CDC14A: variants seen among roughly 807,000 people sequenced by gnomAD.
CDC14A encodes dual specificity protein phosphatase CDC14A.
CDC14A carries 53 observed loss-of-function variants against 74.4 expected under a neutral mutation model. That is an observed-to-expected ratio of 0.71 (90% CI 0.57 to 0.89). The LOEUF is 0.89. CDC14A is among the 40% of genes least tolerant of loss of function. CDC14A has a pLI of 0.00. For missense variants in CDC14A, 646 were observed against 713.7 expected (o/e 0.91, Z 1.08); for synonymous variants, 247 against 258.4 (o/e 0.96, Z 0.43).
chr1:100,384,641 G>A (rs906814614), intron 3 of CDC14A, among the ~76,000 whole-genome samples: 12 of 152,296 alleles, frequency 7.9e-5, no homozygotes, highest in South Asian at 4.1e-4. Context: ...TTCTTCAGCC[G>A]CAGTATCCTG....
intron 3 of CDC14A, among the ~76,000 whole-genome samples, chr1:100,380,178 A>C (rs1655899116): frequency 6.6e-6 from 1 of 152,254 alleles, no homozygotes; most frequent in Non-Finnish European, 1.5e-5. Flanking sequence ...TCAGCCTTAA[A>C]GCTATTGTTT....
intron 10 of CDC14A, among the ~76,000 whole-genome samples, chr1:100,482,836 AT>A (rs1557810253): frequency 6.6e-6 from 1 of 151,678 alleles, no homozygotes; most frequent in Non-Finnish European, 1.5e-5. Context: ...CTATATATAT[AT>A]TTTTTTATAC....
At chr1:100,351,449 C>T (rs79368678), upstream of CDC14A, among the ~76,000 whole-genome samples, 52 of 152,338 alleles carry the variant, frequency 3.4e-4, no homozygotes, top group East Asian at 4.6e-3. Flanking sequence ...TAGGTACAGC[C>T]TTAGGACGCC....
At chr1:100,388,309 G>T (rs2100980711) in intron 3 of CDC14A, among the ~76,000 whole-genome samples, 1 of 152,230 alleles carries the variant, frequency 6.6e-6, no homozygotes, top group South Asian at 2.1e-4. Flanking sequence ...CAAATAAGTG[G>T]CAAAACCAAC....
intron 4 of CDC14A, among the ~76,000 whole-genome samples, chr1:100,418,114 A>T (rs546417429): frequency 2.0e-5 from 3 of 152,290 alleles, no homozygotes; most frequent in Admixed American, 2.0e-4. Context: ...ATGGAACCTA[A>T]CTCGGGGTGA....
At chr1:100,496,195 C>T (rs557049549) in intron 13 of CDC14A, 146 bp downstream of exon 13, 44 of 650,408 alleles carry the variant, frequency 6.8e-5, no homozygotes, top group Admixed American at 6.2e-4. Flanking sequence ...TTGTTTATGC[C>T]TTATTTTTAA....
chr1:100,389,274 A>G (rs952329906), intron 3 of CDC14A, among the ~76,000 whole-genome samples: 3 of 151,604 alleles, frequency 2.0e-5, no homozygotes, highest in Admixed American at 6.6e-5. Flanking sequence ...CCTGGCCAAC[A>G]TGGTGAAACT....
intron 2 of CDC14A, among the ~76,000 whole-genome samples, chr1:100,359,745 G>C (rs1652421302): frequency 6.6e-6 from 1 of 151,866 alleles, no homozygotes; most frequent in Non-Finnish European, 1.5e-5. Context: ...TTTGTAGGCT[G>C]TCTGGTGAAA....
chr1:100,465,185 A>C (rs1034732289), intron 9 of CDC14A, among the ~76,000 whole-genome samples: 2 of 150,284 alleles, frequency 1.3e-5, no homozygotes, highest in Admixed American at 6.6e-5. Flanking sequence ...CTGGTCTTGA[A>C]CTCCTGACCT....
At chr1:100,490,522 C>T (rs1352807173) in intron 11 of CDC14A, among the ~76,000 whole-genome samples, 1 of 152,120 alleles carries the variant, frequency 6.6e-6, no homozygotes, top group Admixed American at 6.5e-5. Context: ...GATCTTTCCT[C>T]CTTCTTCCCT....
At chr1:100,459,640 T>TA (rs2101205922) in intron 8 of CDC14A, among the ~76,000 whole-genome samples, 1 of 152,338 alleles carries the variant, frequency 6.6e-6, no homozygotes, top group Admixed American at 6.5e-5. Flanking sequence ...TTGACTCTGA[T>TA]ACCGTGTTCA....
intron 2 of CDC14A, among the ~76,000 whole-genome samples, chr1:100,359,955 T>TG (rs1652468965): frequency 6.6e-6 from 1 of 150,774 alleles, no homozygotes; most frequent in Non-Finnish European, 1.5e-5. Context: ...TTTTTTTTTT[T>TG]TTTTTTGAGT....
intron 2 of CDC14A, among the ~76,000 whole-genome samples, chr1:100,375,418 G>T (rs1557692900): frequency 6.6e-6 from 1 of 152,174 alleles, no homozygotes; most frequent in Non-Finnish European, 1.5e-5. Context: ...GGATATGTGA[G>T]AACTGAGACT....
chr1:100,346,358 G>A (rs1488939405), intron 1 of CDC14A, among the ~76,000 whole-genome samples: 5 of 151,944 alleles, frequency 3.3e-5, no homozygotes, highest in Non-Finnish European at 4.4e-5. Context: ...GCGTGGGTGC[G>A]GTGGCTCCCA....
rs1571350527 is a variant in CDC14A at position 100,499,512 on chromosome 1, G to T, written c.1755+250G>T. ...CTTCTTACCCCCAACTCCTTTTTAAGTAGTTTCTCTTAAAAGGGAAATAGC... is the reference window on the plus strand; with the variant it reads ...CTTCTTACCCCCAACTCCTTTTTAATTAGTTTCTCTTAAAAGGGAAATAGC... On this transcript the variant is annotated intron_variant, in intron 15 of 15. Coordinates refer to ENST00000336454, the MANE Select transcript of CDC14A (RefSeq NM_003672.4). 1.4e-5 allele frequency: 17 copies of T among 1,254,212 alleles called. No homozygotes were observed. The East Asian group carries it at 4.4e-4, about 33-fold the overall frequency. The allele number at this position is 1,254,212 out of a possible 1,614,324, so 77.7% of individuals were successfully genotyped here.
chr1:100,511,654 A>G (rs532725992), intron 15 of CDC14A, among the ~76,000 whole-genome samples: 2 of 152,298 alleles, frequency 1.3e-5, no homozygotes, highest in Admixed American at 6.5e-5. Context: ...ATTTGGAGTC[A>G]GCTTTGACAC....
intron 8 of CDC14A, among the ~76,000 whole-genome samples, chr1:100,459,425 G>A (rs949887587): frequency 6.6e-6 from 1 of 152,146 alleles, no homozygotes; most frequent in Non-Finnish European, 1.5e-5. Flanking sequence ...CATAATAGGC[G>A]TTTATTAGAT....
At chr1:100,478,441 C>CT (rs1241022488) in intron 10 of CDC14A, among the ~76,000 whole-genome samples, 1 of 152,126 alleles carries the variant, frequency 6.6e-6, no homozygotes, top group Non-Finnish European at 1.5e-5. Flanking sequence ...ACAGATAGAT[C>CT]TATCTGTGAC....
intron 4 of CDC14A, among the ~76,000 whole-genome samples, chr1:100,393,820 G>A (rs369909467): frequency 6.6e-6 from 1 of 152,096 alleles, no homozygotes; most frequent in East Asian, 1.9e-4. Flanking sequence ...ATGCGAGCCT[G>A]TAGTCCCAGC....
Sources: allele counts gnomAD v4.1 joint callset (sites outside exome capture counted in the v4.1 genomes callset), GRCh38; gene constraint gnomAD v4.1.1; transcripts MANE v1.5; gene names NCBI Gene and HGNC (gene_info 2026-07-23, HGNC 2026-07-21).